The following ROBO1 variants were observed in gnomAD, a reference collection of about 807,000 sequenced individuals.
ROBO1 encodes the protein roundabout homolog 1.
In ROBO1, 149 loss-of-function variants were observed where a neutral mutation model predicts 195.9. That is an observed-to-expected ratio of 0.76 (90% CI 0.67 to 0.87). The LOEUF (loss-of-function observed/expected upper bound fraction) is 0.87, where lower values mean the gene tolerates loss of function less well. Ranked by LOEUF, ROBO1 falls within the 40% of genes least tolerant of loss-of-function variation. The pLI is 0.00. For missense variants in ROBO1, 1,933 were observed against 2,068.3 expected, an observed-to-expected ratio of 0.93 and a Z score of 1.27; for synonymous variants, 816 against 733.2, an observed-to-expected ratio of 1.11 and a Z score of -1.82.
chr3:78,799,215 T>C (rs1047577300), intron 4 of ROBO1, among the ~76,000 whole-genome samples: 2 of 152,244 alleles, frequency 1.3e-5, no homozygotes, highest in African/African-American at 4.8e-5. Context: ...TCAATTTTAC[T>C]GTGTGTTCCA....
At chr3:79,705,663 G>A (rs189736798) in intron 1 of ROBO1, among the ~76,000 whole-genome samples, 135 of 152,078 alleles carry the variant, frequency 8.9e-4, no homozygotes, top group African/African-American at 3.1e-3. Context: ...GCTATGCTAG[G>A]TCCTTTGCCT....
chr3:78,904,761 T>TGC (rs1283292269), intron 4 of ROBO1, among the ~76,000 whole-genome samples: 45 of 150,590 alleles, frequency 3.0e-4, no homozygotes, highest in African/African-American at 1.1e-3. Flanking sequence ...TATGTGTGTA[T>TGC]ATATATGTAT....
intron 22 of ROBO1, among the ~76,000 whole-genome samples, chr3:78,636,599 T>C (rs1343869943): frequency 6.6e-6 from 1 of 152,016 alleles, no homozygotes; most frequent in Non-Finnish European, 1.5e-5. Context: ...TTTTATAAAA[T>C]ACCTACATTT....
At chr3:79,424,688 GA>G (rs1038146291) in intron 2 of ROBO1, among the ~76,000 whole-genome samples, 5 of 151,964 alleles carry the variant, frequency 3.3e-5, no homozygotes, top group African/African-American at 7.2e-5. Flanking sequence ...CATAGCCCCT[GA>G]AAAAGGAGTA....
chr3:78,718,329 GAATT>G (rs752697000), intron 5 of ROBO1, among the ~76,000 whole-genome samples: 78 of 152,246 alleles, frequency 5.1e-4, no homozygotes, highest in South Asian at 1.7e-3. Flanking sequence ...AGCATTATAT[GAATT>G]AATTAAAATG....
intron 3 of ROBO1, among the ~76,000 whole-genome samples, chr3:79,088,276 G>T (rs148661053): frequency 0.016 from 2,417 of 152,176 alleles, 72 homozygotes; most frequent in African/African-American, 0.055. Context: ...TAAACTGGAT[G>T]GATTAATTTT....
At chr3:79,041,929 G>A (rs537874059) in intron 3 of ROBO1, among the ~76,000 whole-genome samples, 1 of 152,254 alleles carries the variant, frequency 6.6e-6, no homozygotes, top group African/African-American at 2.4e-5. Context: ...ATTCATATTA[G>A]TGACAGAAGT....
At chr3:79,590,251 G>A (rs73849630) in intron 1 of ROBO1, among the ~76,000 whole-genome samples, 3,620 of 151,560 alleles carry the variant, frequency 0.024, 96 homozygotes, top group African/African-American at 0.067. Context: ...AGTGATTTTT[G>A]CTTTGATTTC....
chr3:78,992,291 C>T (rs758346862), intron 3 of ROBO1, among the ~76,000 whole-genome samples: 7 of 150,680 alleles, frequency 4.6e-5, no homozygotes, highest in Non-Finnish European at 1.0e-4. Context: ...CCAACCTCCA[C>T]ATGTCATTTC....
chr3:79,096,000 T>C (rs1235280668), intron 3 of ROBO1, among the ~76,000 whole-genome samples: 4 of 152,102 alleles, frequency 2.6e-5, no homozygotes, highest in Admixed American at 1.3e-4. Context: ...TTTTGTTTTC[T>C]TTTATTATTT....
At chr3:79,247,127 C>CTTTTTTTTTTTT (rs1484743424) in intron 2 of ROBO1, among the ~76,000 whole-genome samples, 1 of 127,750 alleles carries the variant, frequency 7.8e-6, no homozygotes, top group Non-Finnish European at 1.6e-5. Context: ...CTCCTGTTTA[C>CTTTTTTTTTTTT]TGTTTTTTTT....
chr3:79,064,552 G>A (rs928525180), intron 3 of ROBO1, among the ~76,000 whole-genome samples: 1 of 151,792 alleles, frequency 6.6e-6, no homozygotes, highest in African/African-American at 2.4e-5. Flanking sequence ...AATGGCAATG[G>A]GGCTTCATTA....
At chr3:78,914,917 G>A (rs959262458) in intron 4 of ROBO1, among the ~76,000 whole-genome samples, 5 of 151,578 alleles carry the variant, frequency 3.3e-5, no homozygotes, top group East Asian at 1.9e-4. Flanking sequence ...ATATATGAAT[G>A]TACTTTCTCA....
At chr3:79,508,721 C>G (rs1167114659) in intron 2 of ROBO1, among the ~76,000 whole-genome samples, 1 of 152,048 alleles carries the variant, frequency 6.6e-6, no homozygotes, top group African/African-American at 2.4e-5. Flanking sequence ...GAGAAAAAAT[C>G]AAAAATATAA....
intron 3 of ROBO1, among the ~76,000 whole-genome samples, chr3:79,119,385 T>A (rs764929316): frequency 2.0e-5 from 3 of 152,206 alleles, no homozygotes; most frequent in Non-Finnish European, 4.4e-5. Context: ...TCTTTTTCTC[T>A]GAATTCTAGG....
chr3:79,569,114 G>A (rs112667555), intron 2 of ROBO1, among the ~76,000 whole-genome samples: 4 of 146,764 alleles, frequency 2.7e-5, no homozygotes, highest in Non-Finnish European at 4.5e-5. Context: ...ACACGCATGC[G>A]CGTGCACACG....
intron 2 of ROBO1, among the ~76,000 whole-genome samples, chr3:79,283,353 G>T (rs1490248876): frequency 6.6e-6 from 1 of 152,082 alleles, no homozygotes; most frequent in African/African-American, 2.4e-5. Flanking sequence ...ATCTGTACAT[G>T]TACCTCCTGA....
intron 2 of ROBO1, among the ~76,000 whole-genome samples, chr3:79,236,765 AT>A (rs531022375): frequency 6.5e-4 from 99 of 152,288 alleles, no homozygotes; most frequent in African/African-American, 2.3e-3. Flanking sequence ...AGTAATGTAC[AT>A]TTTTTGAAAT....
rs1704204876 is a variant in ROBO1 at position 78,617,773 on chromosome 3, T to C, written c.4144A>G (p.Asn1382Asp). Reference protein sequence around the residue: ...NGWGSASEEDNISSGRSSVSS... With the variant: ...NGWGSASEEDDISSGRSSVSS... ...ACACTGGAGCGTCCGCTGGAAATGT[T>C]GTCCTCCTCTGAGGCTGAGCCCCAG... Residue 1382 changes from asparagine to aspartate, a missense_variant, in exon 27 of 31, where the codon AAC becomes GAC. Physicochemically the swap from Asn to Asp is conservative, Grantham distance 23. This residue lies in a region of ROBO1 where 1,737 missense variants were observed against 1,882.5 expected (regional missense o/e 0.92). Coordinates refer to ENST00000464233, the MANE Select transcript of ROBO1 (RefSeq NM_002941.4). 3 of 1,613,780 alleles carry C rather than the reference T, an allele frequency of 1.9e-6. No homozygotes were observed. Among genetic ancestry groups the C allele is most frequent in the Middle Eastern group, 1.6e-4 (1 of 6,082 alleles).
Sources: allele counts gnomAD v4.1 joint callset (sites outside exome capture counted in the v4.1 genomes callset), GRCh38; gene constraint gnomAD v4.1.1; regional missense constraint gnomAD v4.1.1; transcripts MANE v1.5; gene names NCBI Gene and HGNC (gene_info 2026-07-23, HGNC 2026-07-21).